TUT4: variants seen among roughly 807,000 people sequenced by gnomAD.
TUT4 encodes terminal uridylyl transferase 4.
A neutral mutation model predicts 192.2 loss-of-function variants in TUT4; 36 were observed. The observed-to-expected ratio is 0.19, with a 90% CI of 0.14 to 0.25. TUT4 has a LOEUF of 0.25. Ranked by LOEUF, TUT4 falls within the 10% of genes least tolerant of loss-of-function variation. TUT4 has a pLI of 1.00. For synonymous variants in TUT4, 618 were observed against 666.0 expected (o/e 0.93, Z 1.11); for missense variants, 1,493 against 1,957.2 (o/e 0.76, Z 4.47).
intron 1 of TUT4, among the ~76,000 whole-genome samples, chr1:52,547,252 T>C (rs189220003): frequency 1.2e-3 from 188 of 151,256 alleles, no homozygotes; most frequent in African/African-American, 4.2e-3. Context: ...ATAGGTATCT[T>C]TCCAAAGGAG....
Position 52,466,660 on chromosome 1 carries a change from AT to A in TUT4, c.2966-1488del, listed in dbSNP as rs60558816. ...TATCCTATTTCAAAAAAAAAAAAAA[AT>A]ATATATATATATATATATATATTTT... On this transcript the variant is annotated intron_variant, in intron 15 of 29. Transcript: ENST00000257177. 6.3e-3 allele frequency among the ~76,000 whole-genome samples: 790 copies of A among 125,784 alleles called. 8 individuals are homozygous for A. Among genetic ancestry groups the A allele is most frequent in the African/African-American group, 0.02 (529 of 26,210 alleles). The allele number at this position is 125,784 out of a possible 152,430, so 82.5% of individuals were successfully genotyped here.
chr1:52,482,062 A>C, intron 9 of TUT4, 139 bp from the exon 10 acceptor site: 5 of 586,306 alleles, frequency 8.5e-6, no homozygotes, highest in Non-Finnish European at 1.3e-5. Context: ...TTGAAATATC[A>C]TCACTCTAAA....
chr1:52,466,957 G>A (rs919722606), intron 15 of TUT4, among the ~76,000 whole-genome samples: 11 of 151,906 alleles, frequency 7.2e-5, no homozygotes, highest in East Asian at 5.9e-4. Context: ...GTAAGCCACC[G>A]CACCTGGCCA....
intron 3 of TUT4, chr1:52,514,827 G>A (rs1464432282): frequency 6.7e-6 from 1 of 149,624 alleles, no homozygotes; most frequent in African/African-American, 2.5e-5. Flanking sequence ...GCCCAGGCTG[G>A]TGTGCAGTGG....
At chr1:52,524,388 T>C (rs1681135434) in intron 2 of TUT4, among the ~76,000 whole-genome samples, 2 of 151,800 alleles carry the variant, frequency 1.3e-5, no homozygotes, top group Non-Finnish European at 2.9e-5. Flanking sequence ...CCAGGCTTGG[T>C]GGCAGGCGCC....
intron 1 of TUT4, among the ~76,000 whole-genome samples, chr1:52,535,552 C>T (rs1003768974): frequency 2.0e-5 from 3 of 152,004 alleles, no homozygotes; most frequent in African/African-American, 7.3e-5. Context: ...TTCTTCTCTA[C>T]CAAGCGTACC....
intron 1 of TUT4, among the ~76,000 whole-genome samples, chr1:52,552,549 A>AT (rs1689744864): frequency 6.6e-6 from 1 of 152,232 alleles, no homozygotes; most frequent in Non-Finnish European, 1.5e-5. Context: ...ATGACAGGGA[A>AT]TCGTAACTGG....
chr1:52,446,018 A>T lies in TUT4; in HGVS notation c.3692-14T>A. ...AGTCAAAAGGGTCTACAAAAGAAAT[A>T]TATCAATGATTAAGAATTACATTCA... On this transcript the variant is annotated splice_polypyrimidine_tract_variant and intron_variant, in intron 22 of 29. Transcript: ENST00000257177. 6.3e-7 allele frequency: 1 copy of T among 1,593,770 alleles called. No homozygotes were observed. The highest frequency in any genetic ancestry group is 1.4e-5 in the African/African-American group (1 of 73,582).
At position 52,495,513 on chromosome 1, in the gene TUT4, A is replaced by G; in HGVS notation, c.1180T>C (p.Cys394Arg). 6.2e-7 allele frequency: 1 copy of G among 1,605,970 alleles called. No individual in the cohort carries two copies. The highest frequency in any genetic ancestry group is 8.5e-7 in the Non-Finnish European group (1 of 1,175,572). ...GATGAGCCATACAACCTAAGTGAAC[A>G]TTCTGGAATAAAGGAAAAACATCAA... ...SKVITTFLPE[C>R]SLRLYGSSLT... The change falls in exon 6 of 30, where the codon TGT becomes CGT. Residue 394 changes from cysteine (C) to arginine (R), a missense_variant and splice_region_variant. This residue lies in a region of TUT4 where 437 missense variants were observed against 577.6 expected (regional missense o/e 0.76). Coordinates refer to ENST00000257177, the MANE Select transcript of TUT4 (RefSeq NM_001009881.3).
chr1:52,498,028 CA>C (rs1262049447), intron 4 of TUT4, among the ~76,000 whole-genome samples: 1 of 152,158 alleles, frequency 6.6e-6, no homozygotes, highest in Non-Finnish European at 1.5e-5. Flanking sequence ...TTTCCCTACC[CA>C]ATCAAATATA....
chr1:52,533,056 T>G (rs1341655067), intron 1 of TUT4, among the ~76,000 whole-genome samples: 1 of 152,216 alleles, frequency 6.6e-6, no homozygotes, highest in Non-Finnish European at 1.5e-5. Flanking sequence ...ATTCAGTAGA[T>G]TGGGAGTGGG....
At chr1:52,466,853 A>C (rs1253834879) in intron 15 of TUT4, among the ~76,000 whole-genome samples, 4 of 151,778 alleles carry the variant, frequency 2.6e-5, no homozygotes, top group Non-Finnish European at 2.9e-5. Flanking sequence ...CTTTTAGTAG[A>C]GACGGGTTTT....
chr1:52,511,833 A>T (rs1184417978), intron 3 of TUT4, among the ~76,000 whole-genome samples: 3 of 152,204 alleles, frequency 2.0e-5, no homozygotes, highest in South Asian at 4.1e-4. Context: ...GAATTACAAG[A>T]TCTAATTTAT....
intron 4 of TUT4, among the ~76,000 whole-genome samples, chr1:52,503,697 G>A (rs949375079): frequency 1.3e-5 from 2 of 152,072 alleles, no homozygotes; most frequent in African/African-American, 4.8e-5. Flanking sequence ...GAGACTACAG[G>A]CACCAAATCA....
intron 13 of TUT4, among the ~76,000 whole-genome samples, chr1:52,473,567 T>A (rs1198125521): frequency 7.9e-5 from 12 of 152,172 alleles, no homozygotes; most frequent in Admixed American, 7.2e-4. Flanking sequence ...GCTTTTTAAA[T>A]GCTAGCCATA....
intron 28 of TUT4, 123 bp from the exon 29 acceptor site, chr1:52,425,630 G>T: frequency 8.2e-7 from 1 of 1,219,758 alleles, no homozygotes; most frequent in Non-Finnish European, 1.1e-6. Context: ...TAAATTCAGA[G>T]AATACCAAAC....
intron 2 of TUT4, among the ~76,000 whole-genome samples, chr1:52,519,202 T>C (rs1166246996): frequency 6.6e-6 from 1 of 152,102 alleles, no homozygotes; most frequent in Non-Finnish European, 1.5e-5. Flanking sequence ...TAAAAGGGAA[T>C]GACGTACTAA....
At chr1:52,462,579 T>C (rs531431064) in intron 16 of TUT4, 334 of 292,430 alleles carry the variant, frequency 1.1e-3, no homozygotes, top group Non-Finnish European at 1.6e-3. Flanking sequence ...ATCAAGATAA[T>C]CATAAACTCC....
chr1:52,493,296 T>C (rs1370280733), intron 7 of TUT4, among the ~76,000 whole-genome samples: 3 of 152,166 alleles, frequency 2.0e-5, no homozygotes, highest in Non-Finnish European at 4.4e-5. Context: ...TTAGTCAGGC[T>C]GGTCCCAAAC....
Sources: allele counts gnomAD v4.1 joint callset (sites outside exome capture counted in the v4.1 genomes callset), GRCh38; gene constraint gnomAD v4.1.1; regional missense constraint gnomAD v4.1.1; transcripts MANE v1.5; gene names NCBI Gene and HGNC (gene_info 2026-07-23, HGNC 2026-07-21).